The following ATXN1 variants were observed in gnomAD, a reference collection of about 807,000 sequenced individuals.
ATXN1 encodes the protein ataxin 1.
In ATXN1, 8 loss-of-function variants were observed where a neutral mutation model predicts 56.4. The ratio of observed to expected loss-of-function variants is 0.14; its 90% CI spans 0.08 to 0.26. ATXN1 has a LOEUF of 0.26. Ranked by LOEUF, ATXN1 falls within the 10% of genes least tolerant of loss-of-function variation. The probability of loss-of-function intolerance (pLI) is 1.00; values close to 1 mark genes in which losing one functional copy is unlikely to be tolerated. For missense variants in ATXN1, 987 were observed against 1,106.5 expected (o/e 0.89, Z 1.53); for synonymous variants, 514 against 494.6 (o/e 1.04, Z -0.52).
chr6:16,568,854 C>T (rs72825523), intron 4 of ATXN1, among the ~76,000 whole-genome samples: 3,509 of 152,240 alleles, frequency 0.023, 63 homozygotes, highest in Non-Finnish European at 0.034. Flanking sequence ...AGACTTGTTT[C>T]TAGGTTTTGA....
chr6:16,676,921 C>T (rs1208213539), intron 2 of ATXN1, among the ~76,000 whole-genome samples: 1 of 151,832 alleles, frequency 6.6e-6, no homozygotes, highest in Non-Finnish European at 1.5e-5. Context: ...TGTTCCTTTC[C>T]TCTTATGTCC....
intron 2 of ATXN1, among the ~76,000 whole-genome samples, chr6:16,724,618 T>C (rs1581395736): frequency 6.6e-6 from 1 of 152,220 alleles, no homozygotes; most frequent in Non-Finnish European, 1.5e-5. Context: ...CCGAGTTCTA[T>C]GTACAATAGG....
chr6:16,758,968 G>C (rs182706885), intron 1 of ATXN1, among the ~76,000 whole-genome samples: 113 of 152,264 alleles, frequency 7.4e-4, no homozygotes, highest in African/African-American at 2.6e-3. Context: ...GGTTTCCTCA[G>C]ACATAAGCTT....
At chr6:16,398,491 C>G (rs1434686082) in intron 6 of ATXN1, among the ~76,000 whole-genome samples, 1 of 152,134 alleles carries the variant, frequency 6.6e-6, no homozygotes, top group Non-Finnish European at 1.5e-5. Context: ...TTTACACACA[C>G]ACACATTTCA....
intron 2 of ATXN1, among the ~76,000 whole-genome samples, chr6:16,671,778 G>A (rs1285113778): frequency 4.6e-5 from 7 of 152,046 alleles, no homozygotes; most frequent in Non-Finnish European, 7.4e-5. Flanking sequence ...TTTTGAATAC[G>A]AATATGGTTG....
chr6:16,669,667 C>CT (rs11356086), intron 2 of ATXN1, among the ~76,000 whole-genome samples: 1,136 of 113,128 alleles, frequency 0.01, 11 homozygotes, highest in African/African-American at 0.026. Flanking sequence ...ACTGAACAAT[C>CT]TTTTTTTTTT....
At chr6:16,392,559 A>T (rs980346335) in intron 6 of ATXN1, among the ~76,000 whole-genome samples, 49 of 151,390 alleles carry the variant, frequency 3.2e-4, no homozygotes, top group Admixed American at 5.9e-4. Context: ...GAAGCGGTGT[A>T]ATCTTGGCTC....
chr6:16,688,880 T>C (rs1758976330), intron 2 of ATXN1, among the ~76,000 whole-genome samples: 1 of 152,222 alleles, frequency 6.6e-6, no homozygotes, highest in Non-Finnish European at 1.5e-5. Context: ...CTCTCTCCTT[T>C]GTCTAGGTGC....
intron 3 of ATXN1, among the ~76,000 whole-genome samples, chr6:16,607,977 T>C (rs1250315104): frequency 2.0e-5 from 3 of 152,236 alleles, no homozygotes; most frequent in African/African-American, 7.2e-5. Context: ...ATCTTGTTAG[T>C]AAATGAAACA....
At chr6:16,373,673 T>A (rs150529499) in intron 6 of ATXN1, among the ~76,000 whole-genome samples, 2 of 152,342 alleles carry the variant, frequency 1.3e-5, no homozygotes, top group African/African-American at 4.8e-5. Context: ...GAGATCTGAT[T>A]GTTTTATAAG....
chr6:16,683,419 A>G (rs1049816876), intron 2 of ATXN1, among the ~76,000 whole-genome samples: 6 of 152,194 alleles, frequency 3.9e-5, no homozygotes, highest in Non-Finnish European at 8.8e-5. Flanking sequence ...GGTTATTTCA[A>G]CTTTCCACCT....
rs545985371 is a variant in ATXN1, at chr6:16,753,292, G to C, written c.-674C>G. On this transcript the variant is annotated 5_prime_UTR_variant, in exon 2 of 8. Transcript: ENST00000436367. ...GAGGAGGAGATTGCTGTACAAGGAT[G>C]ACAAACAAATCTGCAGCTTGAATGG... 1.5e-5 allele frequency: 7 copies of C among 456,850 alleles called. No individual in the cohort carries two copies. The East Asian group carries it at 4.9e-4, about 32-fold the overall frequency. The allele number at this position is 456,850 out of a possible 1,614,324, so 28.3% of individuals were successfully genotyped here.
At chr6:16,375,213 T>C (rs1762120315) in intron 6 of ATXN1, among the ~76,000 whole-genome samples, 1 of 152,254 alleles carries the variant, frequency 6.6e-6, no homozygotes, top group South Asian at 2.1e-4. Context: ...AGCTCTGGCA[T>C]GATCAGGAAG....
rs766480685 is a variant in ATXN1, at chr6:16,328,201, T to C, written c.110A>G (p.Asn37Ser). The C allele has an allele frequency of 5.6e-6, 9 of 1,598,062 alleles. No homozygotes were observed. Among genetic ancestry groups the C allele is most frequent in the South Asian group, 1.1e-5 (1 of 89,422 alleles). The change falls in exon 7 of 8, where the codon AAC becomes AGC. Residue 37 changes from asparagine (N) to serine (S), a missense_variant. By Grantham distance (46) the Asn-to-Ser change is conservative (BLOSUM62 1). Around this residue, in one of 3 missense-constraint regions of ATXN1, gnomAD observed 723 missense variants for 791.7 expected, o/e 0.91. Transcript: ENST00000436367. This position sits in a 1 kb window ranked among gnomAD's most constrained non-coding sequence, Gnocchi z 6.2. ...CCATGCTGTGCCCTCCACCCGGTGG[T>C]TGTCGCTGGGCAGGGTAGGGGCCTT... ...EEKAPTLPSD[N>S]HRVEGTAWLP...
rs765903802 is a variant in ATXN1, at chr6:16,327,969, C to T, written c.342G>A (p.Pro114=). The change falls in exon 7 of 8, where the codon CCG becomes CCA. Residue 114 remains proline, a synonymous_variant. Coordinates refer to ENST00000436367, the MANE Select transcript of ATXN1 (RefSeq NM_001128164.2). The part of the protein sequence containing the change: ...AAYATPQPGT[P]VSPVQYAHLP... ...GGTGAGCGTACTGCACGGGGGACAC[C>T]GGGGTCCCTGGCTGCGGGGTGGCGT... 8.1e-6 allele frequency: 13 copies of T among 1,613,222 alleles called. No individual in the cohort carries two copies. Among genetic ancestry groups the T allele is most frequent in the South Asian group, 1.1e-5 (1 of 91,054 alleles).
At chr6:16,739,925 G>C in intron 2 of ATXN1, 1 of 456,372 alleles carries the variant, frequency 2.2e-6, no homozygotes, top group Non-Finnish European at 4.4e-6. Flanking sequence ...TGACCTGTTA[G>C]AGAGAAACAT....
chr6:16,327,154 G>C lies in ATXN1; in HGVS notation c.1157C>G (p.Pro386Arg). The C allele has an allele frequency of 1.2e-6, 2 of 1,613,706 alleles. No homozygotes were observed. Among genetic ancestry groups the C allele is most frequent in the Non-Finnish European group, 8.5e-7 (1 of 1,180,028 alleles). ...SGVRASVMVLPNSNTPAADLE... is the reference protein window; with the variant it reads ...SGVRASVMVLRNSNTPAADLE... ...GTCAGCTGCGGGCGTGTTGCTGTTG[G>C]GCAGGACCATCACAGAGGCCCGGAC... Residue 386 changes from proline (P) to arginine (R), a missense_variant, in exon 7 of 8, where the codon CCC (proline) becomes CGC (arginine). Physicochemically the swap from Pro to Arg is moderately radical, Grantham distance 103. Transcript: ENST00000436367.
At chr6:16,419,445 T>A (rs1355872061) in intron 6 of ATXN1, among the ~76,000 whole-genome samples, 1 of 151,526 alleles carries the variant, frequency 6.6e-6, no homozygotes, top group Non-Finnish European at 1.5e-5. Context: ...ATATATACAT[T>A]AATATATTTT....
chr6:16,651,769 A>G (rs1403317227), intron 3 of ATXN1, among the ~76,000 whole-genome samples: 1 of 152,248 alleles, frequency 6.6e-6, no homozygotes, highest in African/African-American at 2.4e-5. Flanking sequence ...GAAGAGAAAG[A>G]GACAGAAATA....
Sources: allele counts gnomAD v4.1 joint callset (sites outside exome capture counted in the v4.1 genomes callset), GRCh38; gene constraint gnomAD v4.1.1; regional missense constraint gnomAD v4.1.1; non-coding constraint Gnocchi (gnomAD v3.1); transcripts MANE v1.5; gene names NCBI Gene and HGNC (gene_info 2026-07-23, HGNC 2026-07-21).